VPS37A: variants seen among roughly 807,000 people sequenced by gnomAD.
The protein encoded by VPS37A is VPS37A subunit of ESCRT-I, also known as vacuolar protein sorting-associated protein 37A.
Under a neutral mutation model 49.8 loss-of-function variants are expected in VPS37A, and 30 were observed. That is an observed-to-expected ratio of 0.60 (90% CI 0.45 to 0.82). VPS37A has a LOEUF of 0.82. VPS37A is among the 40% of genes least tolerant of loss of function. The pLI is 0.00. For missense variants in VPS37A, 593 were observed against 464.4 expected (o/e 1.28, Z -2.55); for synonymous variants, 195 against 160.6 (o/e 1.21, Z -1.62).
At chr8:17,308,428 G>C in the VPS37A span, among the ~76,000 whole-genome samples, 1 of 152,114 alleles carries the variant, frequency 6.6e-6, no homozygotes, top group Non-Finnish European at 1.5e-5. Context: ...TAGAAAAATA[G>C]AATTCCTGAA....
At chr8:17,309,686 G>T in the VPS37A span, among the ~76,000 whole-genome samples, 2 of 152,076 alleles carry the variant, frequency 1.3e-5, no homozygotes, top group Non-Finnish European at 2.9e-5. Flanking sequence ...TTTCATATTC[G>T]CCCAAGATCA....
At chr8:17,313,443 C>A in the VPS37A span, 3 of 1,283,774 alleles carry the variant, frequency 2.3e-6, no homozygotes, top group South Asian at 3.8e-5. Flanking sequence ...TTAAGGTACT[C>A]TCTCATTTTA....
intron 11 of VPS37A, 82 bp downstream of exon 11, chr8:17,286,509 A>C: frequency 8.2e-7 from 1 of 1,214,678 alleles, no homozygotes; most frequent in Non-Finnish European, 1.2e-6. Context: ...GTGCCTGTTC[A>C]TCAGCCTTAA....
intron 1 of VPS37A, among the ~76,000 whole-genome samples, chr8:17,257,809 A>T (rs552708222): frequency 6.6e-6 from 1 of 152,116 alleles, no homozygotes; most frequent in African/African-American, 2.4e-5. Context: ...GTCCTCTTCA[A>T]TTTCTTTCAT....
At chr8:17,290,125 T>A (rs1021161852) in intron 11 of VPS37A, among the ~76,000 whole-genome samples, 2 of 152,228 alleles carry the variant, frequency 1.3e-5, no homozygotes, top group African/African-American at 4.8e-5. Context: ...TTCCTAAATA[T>A]ACAATCGGGT....
intron 2 of VPS37A, among the ~76,000 whole-genome samples, 200 bp downstream of exon 2, chr8:17,266,181 G>A (rs1813433168): frequency 6.6e-6 from 1 of 152,070 alleles, no homozygotes; most frequent in Non-Finnish European, 1.5e-5. Context: ...TAGAAAAGAG[G>A]AAATGCAATA....
the VPS37A span, among the ~76,000 whole-genome samples, chr8:17,319,511 C>A: frequency 1.6e-4 from 24 of 152,268 alleles, no homozygotes; most frequent in Admixed American, 2.6e-4. Context: ...AGACAAACCT[C>A]GAGTTTTTGC....
At chr8:17,286,992 A>G (rs1178095372) in intron 11 of VPS37A, among the ~76,000 whole-genome samples, 1 of 152,204 alleles carries the variant, frequency 6.6e-6, no homozygotes. Context: ...TCTGCTTTTA[A>G]GATTTCCATA....
chr8:17,284,202 C>T (rs1351919249), intron 9 of VPS37A, among the ~76,000 whole-genome samples: 1 of 152,166 alleles, frequency 6.6e-6, no homozygotes, highest in African/African-American at 2.4e-5. Context: ...TGATTTAATT[C>T]GTAAATCCTT....
the VPS37A span, chr8:17,331,310 C>CCT: frequency 6.4e-7 from 1 of 1,553,874 alleles, no homozygotes; most frequent in Non-Finnish European, 8.7e-7. Flanking sequence ...ACAGAACAGT[C>CCT]ATCAATTACA....
chr8:17,265,873 C>G (rs1813401742), intron 1 of VPS37A, 34 bp from the exon 2 acceptor site: 1 of 1,612,472 alleles, frequency 6.2e-7, no homozygotes, highest in Non-Finnish European at 8.5e-7. Context: ...GGTTTCATGA[C>G]TTTGGGTAAA....
chr8:17,290,777 G>C (rs1225209268), intron 11 of VPS37A, among the ~76,000 whole-genome samples: 1 of 152,130 alleles, frequency 6.6e-6, no homozygotes, highest in Non-Finnish European at 1.5e-5. Context: ...TTGTACCTCT[G>C]GTAGAATTTG....
chr8:17,294,382 G>A (rs1434811827), intron 11 of VPS37A, among the ~76,000 whole-genome samples: 2 of 152,210 alleles, frequency 1.3e-5, no homozygotes, highest in South Asian at 2.1e-4. Flanking sequence ...ATCTTAGCTT[G>A]CTAGACTCCA....
At chr8:17,273,156 A>T (rs1242843757) in intron 4 of VPS37A, among the ~76,000 whole-genome samples, 3 of 147,422 alleles carry the variant, frequency 2.0e-5, no homozygotes, top group Non-Finnish European at 4.5e-5. Flanking sequence ...TTATGGGTGT[A>T]TTATAATGTC....
chr8:17,332,759 G>A, the VPS37A span, among the ~76,000 whole-genome samples: 1 of 152,300 alleles, frequency 6.6e-6, no homozygotes, highest in Non-Finnish European at 1.5e-5. Context: ...CATGACAAGT[G>A]AAAAGAGTAA....
At chr8:17,289,328 A>C (rs1815921761) in intron 11 of VPS37A, among the ~76,000 whole-genome samples, 1 of 152,008 alleles carries the variant, frequency 6.6e-6, no homozygotes, top group Non-Finnish European at 1.5e-5. Flanking sequence ...TAGGGTTTTT[A>C]TGGTTTTAGG....
downstream of VPS37A, chr8:17,301,903 T>G: frequency 2.3e-6 from 1 of 442,060 alleles, no homozygotes; most frequent in South Asian, 6.6e-5. Flanking sequence ...ACCAAACAAG[T>G]TGACCTAAAA....
At chr8:17,309,444 C>T in the VPS37A span, 1 of 722,646 alleles carries the variant, frequency 1.4e-6, no homozygotes, top group African/African-American at 1.8e-5. Flanking sequence ...CTCGAGTAAC[C>T]TGCAAATGCA....
chr8:17,291,460 G>A (rs1434922883), intron 11 of VPS37A, among the ~76,000 whole-genome samples: 8 of 129,540 alleles, frequency 6.2e-5, no homozygotes, highest in East Asian at 4.3e-4. Context: ...AGGGTTTTTC[G>A]TGTCTCTGTC....
Sources: gnomAD v4.1 joint callset for allele counts (sites outside exome capture counted in the v4.1 genomes callset) on GRCh38, gnomAD v4.1.1 for gene constraint, MANE v1.5 for transcripts, NCBI Gene and HGNC (gene_info 2026-07-23, HGNC 2026-07-21) for gene names.